The following NPAS3 variants were observed in gnomAD, a reference collection of about 807,000 sequenced individuals.
NPAS3 encodes neuronal PAS domain protein 3.
In NPAS3, 14 loss-of-function variants were observed where a neutral mutation model predicts 73.1. That is an observed-to-expected ratio of 0.19 (90% CI 0.13 to 0.30). The LOEUF (loss-of-function observed/expected upper bound fraction) is 0.30, where lower values mean the gene tolerates loss of function less well. Ranked by LOEUF, NPAS3 falls within the 10% of genes least tolerant of loss-of-function variation. The pLI is 1.00. For missense variants in NPAS3, 1,096 were observed against 1,250.0 expected (o/e 0.88, Z 1.86); for synonymous variants, 620 against 541.5 (o/e 1.14, Z -2.01).
chr14:32,969,453 T>C (rs2037330159), intron 1 of NPAS3, among the ~76,000 whole-genome samples: 1 of 152,118 alleles, frequency 6.6e-6, no homozygotes, highest in African/African-American at 2.4e-5. Context: ...ACTAATAATA[T>C]GCCAAAGTTT....
intron 4 of NPAS3, among the ~76,000 whole-genome samples, chr14:33,519,311 A>C (rs747774315): frequency 6.6e-6 from 1 of 151,966 alleles, no homozygotes; most frequent in Non-Finnish European, 1.5e-5. Context: ...GCTTTGTCTG[A>C]TTGTTTCCTA....
At chr14:32,976,524 A>G (rs1418929446) in intron 1 of NPAS3, among the ~76,000 whole-genome samples, 1 of 152,212 alleles carries the variant, frequency 6.6e-6, no homozygotes, top group Non-Finnish European at 1.5e-5. Context: ...CTGTTCTAGA[A>G]AATGTCTTAC....
intron 3 of NPAS3, among the ~76,000 whole-genome samples, chr14:33,269,036 C>T (rs1316314765): frequency 6.6e-6 from 1 of 152,124 alleles, no homozygotes; most frequent in African/African-American, 2.4e-5. Flanking sequence ...ATCCACCCTT[C>T]CATTTGTTTC....
intron 2 of NPAS3, among the ~76,000 whole-genome samples, chr14:33,121,662 A>G (rs891321242): frequency 6.6e-6 from 1 of 152,130 alleles, no homozygotes; most frequent in Non-Finnish European, 1.5e-5. Context: ...TAAAAAGAAA[A>G]ATATTGTTCT....
intron 4 of NPAS3, among the ~76,000 whole-genome samples, chr14:33,371,604 C>A (rs1298964888): frequency 6.6e-6 from 1 of 152,068 alleles, no homozygotes; most frequent in Non-Finnish European, 1.5e-5. Flanking sequence ...ATGGATGTAT[C>A]ATAATTTATG....
intron 1 of NPAS3, among the ~76,000 whole-genome samples, chr14:32,941,566 A>G (rs1361999148): frequency 6.6e-6 from 1 of 151,804 alleles, no homozygotes; most frequent in Non-Finnish European, 1.5e-5. Flanking sequence ...AAAGTGTGCG[A>G]TTTGTTATTC....
At chr14:33,699,526 G>A (rs757520380) in intron 6 of NPAS3, among the ~76,000 whole-genome samples, 2 of 152,098 alleles carry the variant, frequency 1.3e-5, no homozygotes, top group Non-Finnish European at 2.9e-5. Context: ...TCGTGGAAGA[G>A]GAGAAAAGCG....
chr14:33,051,360 CA>C (rs1484671892), intron 1 of NPAS3, among the ~76,000 whole-genome samples: 2 of 151,700 alleles, frequency 1.3e-5, no homozygotes, highest in Non-Finnish European at 2.9e-5. Flanking sequence ...CCATCAGTCT[CA>C]AAAACTCTGA....
intron 1 of NPAS3, among the ~76,000 whole-genome samples, chr14:33,031,150 C>T (rs1480980354): frequency 6.6e-6 from 1 of 152,180 alleles, no homozygotes; most frequent in African/African-American, 2.4e-5. Flanking sequence ...TAAAATTACT[C>T]ACAGCATTTC....
intron 5 of NPAS3, among the ~76,000 whole-genome samples, chr14:33,675,739 A>C (rs980518051): frequency 6.6e-6 from 1 of 152,204 alleles, no homozygotes; most frequent in African/African-American, 2.4e-5. Context: ...ATGTATAAAA[A>C]CACATCTTGG....
intron 2 of NPAS3, among the ~76,000 whole-genome samples, chr14:33,109,046 G>C (rs2042809873): frequency 6.6e-6 from 1 of 152,070 alleles, no homozygotes; most frequent in Non-Finnish European, 1.5e-5. Context: ...TTATTGCAAA[G>C]TCCAATAAAC....
intron 2 of NPAS3, among the ~76,000 whole-genome samples, chr14:33,197,237 C>CTGTGTGTGTGTGTGTGTGTGTG (rs11268151): frequency 5.0e-4 from 68 of 135,296 alleles, no homozygotes; most frequent in African/African-American, 1.1e-3. Flanking sequence ...CTCCAGCAGG[C>CTGTGTGTGTGTGTGTGTGTGTG]TGTGTGTGTG....
chr14:33,319,368 C>T (rs2043340283), intron 3 of NPAS3, among the ~76,000 whole-genome samples: 1 of 152,094 alleles, frequency 6.6e-6, no homozygotes, highest in Non-Finnish European at 1.5e-5. Flanking sequence ...AAATAATTTA[C>T]AGCCATCCTT....
chr14:32,960,866 C>T lies in NPAS3; in HGVS notation c.50+21500C>T, dbSNP rs900496490. Among the ~76,000 whole-genome samples, 4 of 152,244 alleles carry T rather than the reference C, an allele frequency of 2.6e-5. No individual in the cohort carries two copies. In the South Asian group the frequency reaches 6.2e-4, roughly 24 times the overall value. On this transcript the variant is annotated intron_variant, in intron 1 of 11. Transcript: ENST00000356141. ...TCATTCATAAGAACCCTGACAGCAG[C>T]GTTTTGTGTTTGGGTTAGTTTTGTT...
rs561660473 is a variant in NPAS3 at position 33,185,659 on chromosome 14, A to AAC, written c.141-29511_141-29510dup. On this transcript the variant is annotated intron_variant, in intron 2 of 11. Coordinates refer to ENST00000356141, the Ensembl canonical transcript of NPAS3. ...GGAGAATTTCTTGGAAAATCACAGGAACACACACACACAGACTCCTTACAC... is the reference window on the plus strand; with the variant it reads ...GGAGAATTTCTTGGAAAATCACAGGAACACACACACACACAGACTCCTTACAC... Among the ~76,000 whole-genome samples, 48 of 152,052 alleles carry AAC rather than the reference A, an allele frequency of 3.2e-4. No individual in the cohort carries two copies. The East Asian group carries it at 8.5e-3, about 27-fold the overall frequency.
At chr14:33,119,196 G>A (rs1485846416) in intron 2 of NPAS3, among the ~76,000 whole-genome samples, 6 of 152,030 alleles carry the variant, frequency 3.9e-5, no homozygotes, top group Admixed American at 1.3e-4. Flanking sequence ...TGAAAATGTA[G>A]CAAATTTATT....
In NPAS3 at chr14:33,198,172, T is replaced by C. The variant is rs566625809; in HGVS notation, c.141-17010T>C. Among the ~76,000 whole-genome samples the C allele has an allele frequency of 7.9e-4, 120 of 152,276 alleles. 1 individual carries two copies. The South Asian group carries it at 0.023, about 30-fold the overall frequency. Reference sequence around the variant, plus strand: ...GCAGTGTTACAGCTCATAAAGTCAGTGCGGACCCAAAGAGTGAGCAACAGC... The same window carrying C: ...GCAGTGTTACAGCTCATAAAGTCAGCGCGGACCCAAAGAGTGAGCAACAGC... On this transcript the variant is annotated intron_variant, in intron 2 of 11. Coordinates refer to ENST00000356141, the Ensembl canonical transcript of NPAS3.
At chr14:33,613,456 A>C (rs375900226) in intron 5 of NPAS3, among the ~76,000 whole-genome samples, 9 of 152,160 alleles carry the variant, frequency 5.9e-5, no homozygotes, top group East Asian at 5.8e-4. Context: ...GATTTCCATC[A>C]TGTGTTCTCT....
In NPAS3 at chr14:33,325,283, C is replaced by G. The variant is rs116486256; in HGVS notation, c.386-41903C>G. Among the ~76,000 whole-genome samples the G allele has an allele frequency of 2.4e-3, 372 of 152,184 alleles. 2 individuals carry two copies. The highest frequency in any genetic ancestry group is 8.7e-3 in the African/African-American group (362 of 41,520). On this transcript the variant is annotated intron_variant, in intron 3 of 11. Coordinates refer to ENST00000356141, the Ensembl canonical transcript of NPAS3. ...AATCACGTCATGGAAAATGGGGTAT[C>G]TGTCCTCTCAAGCATTTATCATTTG...
Sources: gnomAD v4.1 joint callset for allele counts (sites outside exome capture counted in the v4.1 genomes callset) on GRCh38, gnomAD v4.1.1 for gene constraint, MANE v1.5 for transcripts, NCBI Gene and HGNC (gene_info 2026-07-23, HGNC 2026-07-21) for gene names.